Variants in GSG1L observed in about 807,000 individuals in gnomAD.
The protein encoded by GSG1L is GSG1 like.
In GSG1L, 24 loss-of-function variants were observed where a neutral mutation model predicts 42.1. That is an observed-to-expected ratio of 0.57 (90% CI 0.41 to 0.80). The LOEUF (loss-of-function observed/expected upper bound fraction) is 0.80. Among genes scored for constraint, GSG1L ranks in the 30% least tolerant of loss-of-function variants. The pLI is 0.00. For synonymous variants in GSG1L, 215 were observed against 203.5 expected (o/e 1.06, Z -0.48); for missense variants, 445 against 472.2 (o/e 0.94, Z 0.53).
chr16:27,826,017 A>G (rs1372523193), intron 5 of GSG1L, among the ~76,000 whole-genome samples: 1 of 152,212 alleles, frequency 6.6e-6, no homozygotes, highest in Non-Finnish European at 1.5e-5. Flanking sequence ...ATACAGCAAC[A>G]GAGTGAGACC....
At chr16:27,792,067 C>T (rs1263610645) in intron 6 of GSG1L, among the ~76,000 whole-genome samples, 3 of 152,034 alleles carry the variant, frequency 2.0e-5, no homozygotes, top group Non-Finnish European at 4.4e-5. Context: ...CCACCCACCC[C>T]TCAGCAAATC....
chr16:27,836,234 T>C (rs1213268321), intron 4 of GSG1L, among the ~76,000 whole-genome samples: 1 of 152,152 alleles, frequency 6.6e-6, no homozygotes, highest in African/African-American at 2.4e-5. Flanking sequence ...GCTTGAATTT[T>C]TTCCCCTGTA....
chr16:27,865,550 TATATATATATATATATATATATACAC>T lies in GSG1L; in HGVS notation c.550+18910_550+18935del, dbSNP rs1289207839. ...ATATATATATATATATATATATATA[TATATATATATATATATATATATACAC>T]ACACACATACATACATACACACACA... On this transcript the variant is annotated intron_variant, in intron 3 of 6. Transcript: ENST00000447459. Among the ~76,000 whole-genome samples, 880 of 66,808 alleles carry T rather than the reference TATATATATATATATATATATATACAC, an allele frequency of 0.013. 63 individuals are homozygous for T. In the East Asian group the frequency reaches 0.18, roughly 14 times the overall value. The allele number at this position is 66,808 out of a possible 152,430, so 43.8% of individuals were successfully genotyped here.
intron 4 of GSG1L, among the ~76,000 whole-genome samples, chr16:27,844,092 T>C (rs1053924776): frequency 6.6e-6 from 1 of 152,164 alleles, no homozygotes; most frequent in East Asian, 1.9e-4. Flanking sequence ...TGTCCTGAAG[T>C]CCACACCATA....
At chr16:27,972,163 G>A (rs2085200275) in intron 1 of GSG1L, among the ~76,000 whole-genome samples, 1 of 152,214 alleles carries the variant, frequency 6.6e-6, no homozygotes, top group South Asian at 2.1e-4. Context: ...AAATCCAAGA[G>A]GGGCCAAAAT....
intron 2 of GSG1L, among the ~76,000 whole-genome samples, chr16:27,907,858 C>CT (rs34135391): frequency 0.14 from 21,292 of 152,188 alleles, 1,958 homozygotes; most frequent in African/African-American, 0.23. Context: ...GCAACAGCCT[C>CT]TGCCTCCTTC....
intron 1 of GSG1L, among the ~76,000 whole-genome samples, chr16:27,979,661 A>AAGAAAGAAAGAGAG (rs368394279): frequency 1.5e-5 from 1 of 67,696 alleles, no homozygotes; most frequent in African/African-American, 6.5e-5. Flanking sequence ...GAAAGAAAGA[A>AAGAAAGAAAGAGAG]AGAGAGAGAG....
intron 6 of GSG1L, among the ~76,000 whole-genome samples, chr16:27,803,315 C>T (rs1243146336): frequency 6.6e-6 from 1 of 152,076 alleles, no homozygotes; most frequent in African/African-American, 2.4e-5. Context: ...AACTCATGCA[C>T]CCGACCCTCT....
At chr16:27,946,047 T>C (rs1396846022) in intron 2 of GSG1L, among the ~76,000 whole-genome samples, 1 of 152,220 alleles carries the variant, frequency 6.6e-6, no homozygotes, top group Admixed American at 6.5e-5. Flanking sequence ...AAGAAATTCC[T>C]GGGCCTGAGC....
intron 1 of GSG1L, among the ~76,000 whole-genome samples, chr16:28,004,332 A>C (rs1445491692): frequency 6.6e-6 from 1 of 152,096 alleles, no homozygotes. Flanking sequence ...TGGGAGGAAC[A>C]GTGGCTGGAG....
At chr16:27,862,693 T>A (rs546069871) in intron 3 of GSG1L, among the ~76,000 whole-genome samples, 8 of 152,164 alleles carry the variant, frequency 5.3e-5, no homozygotes, top group Non-Finnish European at 1.0e-4. Context: ...GCCATGCATT[T>A]GGTCTTGACA....
At chr16:27,917,269 AACCTCATGCAGTCCTGACCTT>A (rs1464672565) in intron 2 of GSG1L, among the ~76,000 whole-genome samples, 1 of 151,994 alleles carries the variant, frequency 6.6e-6, no homozygotes, top group Non-Finnish European at 1.5e-5. Context: ...TTTGAAGATG[AACCTCATGCAGTCCTGACCTT>A]AAAGTGCTCA....
intron 2 of GSG1L, among the ~76,000 whole-genome samples, chr16:27,947,384 A>G (rs112151073): frequency 1.3e-4 from 17 of 130,762 alleles, no homozygotes; most frequent in African/African-American, 4.1e-4. Flanking sequence ...GAAAGAAAGA[A>G]AAAGAAAGAA....
At chr16:27,813,435 T>C (rs894679696) in intron 5 of GSG1L, among the ~76,000 whole-genome samples, 21 of 152,370 alleles carry the variant, frequency 1.4e-4, no homozygotes, top group Middle Eastern at 3.4e-3. Context: ...TAGTATTCCA[T>C]GGTGTGTATG....
intron 1 of GSG1L, among the ~76,000 whole-genome samples, chr16:28,049,990 G>A (rs1160194310): frequency 6.6e-6 from 1 of 152,170 alleles, no homozygotes; most frequent in Non-Finnish European, 1.5e-5. Context: ...TCCACTGGAA[G>A]GAAGCTCCTT....
intron 3 of GSG1L, among the ~76,000 whole-genome samples, chr16:27,869,876 T>A (rs2083790913): frequency 7.8e-6 from 1 of 127,690 alleles, no homozygotes; most frequent in Non-Finnish European, 1.8e-5. Context: ...TCTCCCTCCA[T>A]CTCTCTGTCT....
intron 4 of GSG1L, among the ~76,000 whole-genome samples, chr16:27,844,592 T>A (rs2083422043): frequency 6.6e-6 from 1 of 152,246 alleles, no homozygotes; most frequent in East Asian, 1.9e-4. Flanking sequence ...TGAGAGTAGC[T>A]GTGTTCCAAG....
chr16:28,041,930 C>T (rs1330572350), intron 1 of GSG1L, among the ~76,000 whole-genome samples: 4 of 152,224 alleles, frequency 2.6e-5, no homozygotes, highest in African/African-American at 4.8e-5. Context: ...CCCCTGGCTT[C>T]CATCCACTCA....
At chr16:28,045,033 G>A (rs2086146137) in intron 1 of GSG1L, among the ~76,000 whole-genome samples, 1 of 152,184 alleles carries the variant, frequency 6.6e-6, no homozygotes, top group South Asian at 2.1e-4. Context: ...GACAGTAAAA[G>A]GATCAATGGT....
Sources: gnomAD v4.1 joint callset for allele counts (sites outside exome capture counted in the v4.1 genomes callset) on GRCh38, gnomAD v4.1.1 for gene constraint, MANE v1.5 for transcripts, NCBI Gene and HGNC (gene_info 2026-07-23, HGNC 2026-07-21) for gene names.